The following SLC36A4 variants were observed in gnomAD, a reference collection of about 807,000 sequenced individuals.
SLC36A4 encodes the protein neutral amino acid uniporter 4.
In SLC36A4, 49 loss-of-function variants were observed where a neutral mutation model predicts 50.5. The observed-to-expected ratio is 0.97, with a 90% CI of 0.77 to 1.23. The LOEUF is 1.23. SLC36A4 is among the 50% of genes most tolerant of loss of function. The pLI is 0.00. For missense variants in SLC36A4, 611 were observed against 608.4 expected (o/e 1.00, Z -0.05); for synonymous variants, 207 against 206.5 (o/e 1.00, Z -0.02).
chr11:93,197,823 CCGCTTCCATCTCT>C lies in SLC36A4; in HGVS notation c.-4_9del. On this transcript the variant is annotated start_lost and 5_prime_UTR_variant, in exon 1 of 11. Transcript: ENST00000326402. Reference sequence around the variant, plus strand: ...GCCCCGGCAGCCGCCGGCGTCGCCGCCGCTTCCATCTCTCGCGGGTCTCCAGGACGCCGCCGCC... The same window carrying C: ...GCCCCGGCAGCCGCCGGCGTCGCCGCCGCGGGTCTCCAGGACGCCGCCGCC... The C allele has an allele frequency of 6.3e-7, 1 of 1,577,570 alleles. No individual in the cohort carries two copies. Among genetic ancestry groups the C allele is most frequent in the South Asian group, 1.1e-5 (1 of 88,116 alleles).
chr11:93,173,538 C>T (rs371517467), intron 6 of SLC36A4, among the ~76,000 whole-genome samples: 108 of 146,708 alleles, frequency 7.4e-4, no homozygotes, highest in African/African-American at 2.4e-3. Flanking sequence ...ATGTCCTGAA[C>T]GGTAATGCCT....
At chr11:93,195,809 TTCCAGGTC>T (rs1254582560) in intron 1 of SLC36A4, among the ~76,000 whole-genome samples, 1 of 152,210 alleles carries the variant, frequency 6.6e-6, no homozygotes, top group Non-Finnish European at 1.5e-5. Flanking sequence ...TCCTTACCTC[TTCCAGGTC>T]TTTACTCAAA....
intron 6 of SLC36A4, among the ~76,000 whole-genome samples, chr11:93,168,615 A>T (rs1227852351): frequency 1.3e-5 from 2 of 152,022 alleles, no homozygotes; most frequent in Non-Finnish European, 2.9e-5. Flanking sequence ...AGCTCCAATT[A>T]TCTCTTAGAA....
rs746857168 is a variant in SLC36A4, at chr11:93,184,451, T to C, written c.249A>G (p.Ala83=). 5.6e-6 allele frequency: 9 copies of C among 1,609,272 alleles called. No individual in the cohort carries two copies. Among genetic ancestry groups the C allele is most frequent in the Non-Finnish European group, 7.7e-6 (9 of 1,176,050 alleles). Residue 83 remains alanine, a synonymous_variant, in exon 3 of 11, where the codon GCA becomes GCG. Coordinates refer to ENST00000326402, the MANE Select transcript of SLC36A4 (RefSeq NM_152313.4). Reference sequence around the variant, plus strand: ...TTACCACTATGCCTGCATTTTTTATTGCCAATGGAAGTCCTAAAAGGCCAG... The same window carrying C: ...TTACCACTATGCCTGCATTTTTTATCGCCAATGGAAGTCCTAAAAGGCCAG... ...IGTGLLGLPL[A]IKNAGIVLGP...
At position 93,186,642 on chromosome 11, in the gene SLC36A4, T is replaced by A. The variant is rs575017842; in HGVS notation, c.56-828A>T. Among the ~76,000 whole-genome samples, 3 of 152,338 alleles carry A rather than the reference T, an allele frequency of 2.0e-5. No individual in the cohort carries two copies. The South Asian group carries it at 6.2e-4, about 32-fold the overall frequency. ...CCTGTCTCTGTTCCTTAGTTTCTCA[T>A]GTTTAGTTGTATTCTTTCTACTTTG... On this transcript the variant is annotated intron_variant, in intron 1 of 10. Transcript: ENST00000326402.
rs536739960 is a variant in SLC36A4, at chr11:93,172,455, T to C, written c.541-4284A>G. On this transcript the variant is annotated intron_variant, in intron 6 of 10. Transcript: ENST00000326402. ...GTCCACTGTATCATTCTTTTTTTTT[T>C]TTAATTATACTTTAAGTTTTAGGGT... Among the ~76,000 whole-genome samples the C allele has an allele frequency of 9.9e-5, 15 of 152,118 alleles. 1 individual carries two copies. Among genetic ancestry groups the C allele is most frequent in the Admixed American group, 8.5e-4 (13 of 15,278 alleles).
At chr11:93,150,703 G>C (rs1307601123) in intron 10 of SLC36A4, among the ~76,000 whole-genome samples, 1 of 151,972 alleles carries the variant, frequency 6.6e-6, no homozygotes, top group Non-Finnish European at 1.5e-5. Flanking sequence ...TACATATATA[G>C]CCTTTTAACT....
At chr11:93,163,392 G>A (rs1565221665) in intron 8 of SLC36A4, among the ~76,000 whole-genome samples, 1 of 152,070 alleles carries the variant, frequency 6.6e-6, no homozygotes, top group African/African-American at 2.4e-5. Flanking sequence ...CTGTCTGATC[G>A]TTTCTCAATC....
At chr11:93,157,879 T>C (rs1321791366) in intron 9 of SLC36A4, among the ~76,000 whole-genome samples, 1 of 152,310 alleles carries the variant, frequency 6.6e-6, no homozygotes, top group Middle Eastern at 3.4e-3. Flanking sequence ...TCTTGCCTGA[T>C]TGCTCTGGCC....
intron 1 of SLC36A4, among the ~76,000 whole-genome samples, chr11:93,190,015 G>A (rs771393618): frequency 4.6e-5 from 7 of 152,054 alleles, no homozygotes; most frequent in East Asian, 3.9e-4. Context: ...TGGGACCTCC[G>A]TCACTCTGAA....
Position 93,148,285 on chromosome 11 carries a change from A to T in SLC36A4, c.*252T>A. On this transcript the variant is annotated 3_prime_UTR_variant, in exon 11 of 11. Coordinates refer to ENST00000326402, the MANE Select transcript of SLC36A4 (RefSeq NM_152313.4). ...ATAATAGAAGTATTTTTATTCTTTAATTTTTTTACATTTTAATTTTTTCAA... is the reference window on the plus strand; with the variant it reads ...ATAATAGAAGTATTTTTATTCTTTATTTTTTTTACATTTTAATTTTTTCAA... 1 of 297,632 alleles carries T rather than the reference A, an allele frequency of 3.4e-6. No homozygotes were observed. Among genetic ancestry groups the T allele is most frequent in the Non-Finnish European group, 6.1e-6 (1 of 163,142 alleles). 18.4% of individuals were successfully genotyped at this position (297,632 alleles called of 1,614,324 possible). A position where few individuals can be genotyped will look rare whatever the true frequency, so the allele number is the denominator to read the frequency against.
intron 9 of SLC36A4, chr11:93,159,800 A>G: frequency 1.0e-6 from 1 of 984,904 alleles, no homozygotes; most frequent in Non-Finnish European, 1.2e-6. Context: ...TCTCTAATCC[A>G]TACTTGCTTT....
intron 1 of SLC36A4, among the ~76,000 whole-genome samples, chr11:93,194,421 T>C (rs1405449877): frequency 6.6e-6 from 1 of 152,154 alleles, no homozygotes; most frequent in Non-Finnish European, 1.5e-5. Context: ...ATTTTGTTCA[T>C]TTCTGAGGTG....
At position 93,168,108 on chromosome 11, in the gene SLC36A4, A is replaced by G; in HGVS notation, c.604T>C (p.Cys202Arg). 6.2e-7 allele frequency: 1 copy of G among 1,612,600 alleles called. No individual in the cohort carries two copies. Among genetic ancestry groups the G allele is most frequent in the Non-Finnish European group, 8.5e-7 (1 of 1,179,096 alleles). The change falls in exon 7 of 11, where the codon TGT (cysteine) becomes CGT (arginine). Residue 202 changes from cysteine to arginine, a missense_variant. Transcript: ENST00000326402. ...ISNSTNSSNP[C>R]ERRSVDLRIY... ...CTTAGGTCAACACTTCTTCTCTCACAAGGGTTTGATGAATTGGTACTATTT... is the reference window on the plus strand; with the variant it reads ...CTTAGGTCAACACTTCTTCTCTCACGAGGGTTTGATGAATTGGTACTATTT...
rs901723278 is a variant in SLC36A4, at chr11:93,147,063, A to C, written c.*1474T>G. ...CACAGTCATAGCTTACCACAGCCTG[A>C]AACTTTTGTGCTCGAGGGATCCTCC... On this transcript the variant is annotated 3_prime_UTR_variant, in exon 11 of 11. Coordinates refer to ENST00000326402, the MANE Select transcript of SLC36A4 (RefSeq NM_152313.4). 4.3e-4 allele frequency: 65 copies of C among 152,242 alleles called. No homozygotes were observed. Among genetic ancestry groups the C allele is most frequent in the African/African-American group, 1.5e-3 (62 of 41,554 alleles). The allele number at this position is 152,242 out of a possible 1,614,324, so 9.4% of individuals were successfully genotyped here.
chr11:93,153,367 A>T (rs1337796074), intron 10 of SLC36A4, among the ~76,000 whole-genome samples: 3 of 152,080 alleles, frequency 2.0e-5, no homozygotes, highest in African/African-American at 7.2e-5. Context: ...AGCTATTAAT[A>T]CTTTGTTAAT....
intron 6 of SLC36A4, 73 bp from the exon 7 acceptor site, chr11:93,168,244 C>G: frequency 2.5e-6 from 2 of 792,094 alleles, no homozygotes; most frequent in Non-Finnish European, 4.1e-6. Flanking sequence ...AACACATGTA[C>G]AAAGAAAATC....
At chr11:93,151,496 A>G (rs1860085013) in intron 10 of SLC36A4, among the ~76,000 whole-genome samples, 1 of 152,180 alleles carries the variant, frequency 6.6e-6, no homozygotes, top group Non-Finnish European at 1.5e-5. Flanking sequence ...AATGTGGAAA[A>G]TAACTTAGCA....
intron 10 of SLC36A4, among the ~76,000 whole-genome samples, chr11:93,150,744 C>A (rs1212390748): frequency 3.3e-5 from 5 of 152,056 alleles, no homozygotes; most frequent in African/African-American, 1.2e-4. Context: ...GAGCATAACT[C>A]TCAAACATAG....
Sources: gnomAD v4.1 joint callset for allele counts (sites outside exome capture counted in the v4.1 genomes callset) on GRCh38, gnomAD v4.1.1 for gene constraint, MANE v1.5 for transcripts, NCBI Gene and HGNC (gene_info 2026-07-23, HGNC 2026-07-21) for gene names.